Variants in ANOS1 observed in about 807,000 individuals in gnomAD.
ANOS1 encodes the protein anosmin-1.
A neutral mutation model predicts 59.0 loss-of-function variants in ANOS1; 6 were observed. The ratio of observed to expected loss-of-function variants is 0.10; its 90% confidence interval spans 0.06 to 0.20. The LOEUF (loss-of-function observed/expected upper bound fraction) is 0.20, where lower values mean the gene tolerates loss of function less well. Ranked by LOEUF, ANOS1 falls within the 10% of genes least tolerant of loss-of-function variation. ANOS1 has a pLI of 1.00. For synonymous variants in ANOS1, 217 were observed against 223.4 expected (o/e 0.97, Z 0.25); for missense variants, 433 against 542.3 (o/e 0.80, Z 2.00).
chrX:8,722,627 C>T, intron 1 of ANOS1, among the ~76,000 whole-genome samples: 1 of 111,400 alleles, frequency 9.0e-6, no homozygotes, highest in Non-Finnish European at 1.9e-5. Context: ...GTTTCTTTAT[C>T]CACTCATTGA....
At chrX:8,688,494 C>A (rs975123480) in intron 2 of ANOS1, among the ~76,000 whole-genome samples, 3 of 112,493 alleles carry the variant, frequency 2.7e-5, no homozygotes, top group African/African-American at 9.7e-5. Flanking sequence ...CTTTATGGAA[C>A]TCGTCTTCAA....
chrX:8,533,062 T>G lies in ANOS1; in HGVS notation c.1985-9A>C. 1 of 1,048,776 alleles carries G rather than the reference T, an allele frequency of 9.5e-7. No individual in the cohort carries two copies. The highest frequency in any genetic ancestry group is 1.3e-6 in the Non-Finnish European group (1 of 747,264). The allele number at this position is 1,048,776 out of a possible 1,213,427, so 86.4% of individuals were successfully genotyped here. Reference sequence around the variant, plus strand: ...ATGCTTAAGATGAGATCCTAAAAAGTGACAAAATATGTCAGTCACATCCAT... The same window carrying G: ...ATGCTTAAGATGAGATCCTAAAAAGGGACAAAATATGTCAGTCACATCCAT... On this transcript the variant is annotated splice_polypyrimidine_tract_variant and intron_variant, in intron 13 of 13. Transcript: ENST00000262648.
intron 4 of ANOS1, among the ~76,000 whole-genome samples, chrX:8,594,552 C>T (rs1339746542): frequency 1.0e-5 from 1 of 99,591 alleles, no homozygotes; most frequent in Non-Finnish European, 2.0e-5. Context: ...TTTACACACA[C>T]TAACATATTA....
At chrX:8,594,697 T>TATATACAC (rs1247233512) in intron 4 of ANOS1, among the ~76,000 whole-genome samples, 3 of 18,555 alleles carry the variant, frequency 1.6e-4, no homozygotes, top group Non-Finnish European at 2.6e-4. Context: ...TATATATATA[T>TATATACAC]ACACATATAT....
chrX:8,692,085 T>C (rs1052239755), intron 2 of ANOS1, among the ~76,000 whole-genome samples: 2 of 111,385 alleles, frequency 1.8e-5, no homozygotes, highest in African/African-American at 3.3e-5. Flanking sequence ...AGAAGAGGGG[T>C]TGACAAACTA....
intron 2 of ANOS1, among the ~76,000 whole-genome samples, chrX:8,632,532 A>C (rs1462474519): frequency 9.0e-6 from 1 of 111,670 alleles, no homozygotes; most frequent in South Asian, 3.7e-4. Context: ...GCATGTTCTA[A>C]TAATTGTTTT....
At chrX:8,583,064 C>T (rs978780849) in intron 6 of ANOS1, among the ~76,000 whole-genome samples, 2 of 109,523 alleles carry the variant, frequency 1.8e-5, no homozygotes, top group Non-Finnish European at 3.8e-5. Context: ...TGGGGATGCT[C>T]GTATTTCCAG....
intron 4 of ANOS1, among the ~76,000 whole-genome samples, chrX:8,594,685 T>C (rs1467805814): frequency 1.8e-3 from 111 of 62,052 alleles, no homozygotes; most frequent in African/African-American, 8.0e-3. Flanking sequence ...TATATATATA[T>C]ATATATATAT....
chrX:8,695,263 G>A (rs1198789233), intron 2 of ANOS1, among the ~76,000 whole-genome samples: 2 of 112,089 alleles, frequency 1.8e-5, no homozygotes, highest in African/African-American at 6.5e-5. Context: ...AGTGAGCAGA[G>A]ATCATGCCAC....
chrX:8,616,764 G>A (rs1931184408), intron 3 of ANOS1, among the ~76,000 whole-genome samples: 1 of 111,357 alleles, frequency 9.0e-6, no homozygotes. Context: ...GACCACTCTA[G>A]ACTGAGCCAC....
intron 6 of ANOS1, among the ~76,000 whole-genome samples, chrX:8,583,116 T>A (rs1930453861): frequency 1.1e-5 from 1 of 93,790 alleles, no homozygotes; most frequent in African/African-American, 4.0e-5. Context: ...CTGCTATGCT[T>A]TTGGCCTTTT....
intron 1 of ANOS1, among the ~76,000 whole-genome samples, chrX:8,707,188 A>G (rs1369625797): frequency 7.1e-5 from 8 of 112,380 alleles, no homozygotes; most frequent in South Asian, 3.7e-4. Flanking sequence ...CATGTTTGCC[A>G]TTGGCTCTCT....
intron 2 of ANOS1, among the ~76,000 whole-genome samples, chrX:8,631,675 G>A (rs1196175998): frequency 1.8e-5 from 2 of 111,910 alleles, no homozygotes; most frequent in Non-Finnish European, 1.9e-5. Context: ...CAGGATGATT[G>A]AAGATGTAGA....
chrX:8,657,508 G>A (rs960363266), intron 2 of ANOS1, among the ~76,000 whole-genome samples: 2 of 94,203 alleles, frequency 2.1e-5, no homozygotes, highest in African/African-American at 4.0e-5. Flanking sequence ...TTGCTCTGTC[G>A]CCCAGGCTGG....
chrX:8,671,793 ATTAT>A (rs918850354), intron 2 of ANOS1, among the ~76,000 whole-genome samples: 9 of 110,497 alleles, frequency 8.1e-5, no homozygotes, highest in African/African-American at 3.0e-4. Flanking sequence ...CAAAAAAATT[ATTAT>A]TTAATTGGCA....
chrX:8,695,958 T>G (rs1197250727), intron 2 of ANOS1, among the ~76,000 whole-genome samples: 1 of 111,878 alleles, frequency 8.9e-6, no homozygotes, highest in Non-Finnish European at 1.9e-5. Flanking sequence ...AGGTGGTCAT[T>G]CCAAGATGAA....
At chrX:8,668,195 T>C (rs757484336) in intron 2 of ANOS1, among the ~76,000 whole-genome samples, 13 of 106,900 alleles carry the variant, frequency 1.2e-4, no homozygotes, top group African/African-American at 4.4e-4. Flanking sequence ...TCTCACCCTT[T>C]CCCCGAATCC....
At chrX:8,626,884 A>C (rs1223479710) in intron 2 of ANOS1, among the ~76,000 whole-genome samples, 3 of 110,629 alleles carry the variant, frequency 2.7e-5, no homozygotes, top group Non-Finnish European at 5.7e-5. Flanking sequence ...AAGAAAAGAA[A>C]AAAACTTATC....
rs772669767 is a variant in ANOS1 at position 8,536,766 on chromosome X, C to T, written c.1621+5G>A. ...GATGTAGAAGTCCTTCAGGTGAAAACGTACCTGCTTCGCCCAGGCAGCCAA... is the reference window on the plus strand; with the variant it reads ...GATGTAGAAGTCCTTCAGGTGAAAATGTACCTGCTTCGCCCAGGCAGCCAA... On this transcript the variant is annotated splice_donor_5th_base_variant and intron_variant, in intron 11 of 13. Transcript: ENST00000262648. 5.8e-6 allele frequency: 7 copies of T among 1,201,897 alleles called. No individual in the cohort carries two copies. The highest frequency in any genetic ancestry group is 3.0e-5 in the East Asian group (1 of 33,634).
Sources: allele counts gnomAD v4.1 joint callset (sites outside exome capture counted in the v4.1 genomes callset), GRCh38; gene constraint gnomAD v4.1.1; transcripts MANE v1.5; gene names NCBI Gene and HGNC (gene_info 2026-07-23, HGNC 2026-07-21).